The following SNX31 variants were observed in gnomAD, a reference collection of about 807,000 sequenced individuals.
SNX31 encodes sorting nexin 31.
In SNX31, 58 loss-of-function variants were observed where a neutral mutation model predicts 65.4. The ratio of observed to expected loss-of-function variants is 0.89; its 90% CI spans 0.72 to 1.10. The LOEUF is 1.10. Among genes scored for constraint, SNX31 ranks in the 50% least tolerant of loss-of-function variants. SNX31 has a pLI of 0.00. For synonymous variants in SNX31, 181 were observed against 190.1 expected (o/e 0.95, Z 0.39); for missense variants, 523 against 529.7 (o/e 0.99, Z 0.12).
At position 100,610,355 on chromosome 8, in the gene SNX31, A is replaced by T. The variant is rs1308069634; in HGVS notation, c.611+1645T>A. On this transcript the variant is annotated intron_variant, in intron 7 of 13. Coordinates refer to ENST00000311812, the MANE Select transcript of SNX31 (RefSeq NM_152628.4). The surrounding 1 kb of genome is among the most constrained non-coding windows in gnomAD (Gnocchi z 4.0). ...CACATGAGTGAAAATCTAAGCCCCAAAGATTTTTTTTTTTTTTTTGCTTCC... is the reference window on the plus strand; with the variant it reads ...CACATGAGTGAAAATCTAAGCCCCATAGATTTTTTTTTTTTTTTTGCTTCC... Among the ~76,000 whole-genome samples, 1 of 60,350 alleles carries T rather than the reference A, an allele frequency of 1.7e-5. No individual in the cohort carries two copies. Among genetic ancestry groups the T allele is most frequent in the South Asian group, 9.3e-4 (1 of 1,074 alleles). 39.6% of individuals were successfully genotyped at this position (60,350 alleles called of 152,430 possible).
chr8:100,606,336 G>T (rs1451579854), intron 8 of SNX31, among the ~76,000 whole-genome samples: 1 of 152,118 alleles, frequency 6.6e-6, no homozygotes, highest in Non-Finnish European at 1.5e-5. Flanking sequence ...TTTCCAGGCT[G>T]AACATAATTA....
intron 10 of SNX31, among the ~76,000 whole-genome samples, chr8:100,593,799 A>C (rs1313217631): frequency 6.6e-6 from 1 of 152,166 alleles, no homozygotes; most frequent in Non-Finnish European, 1.5e-5. Flanking sequence ...AAATTAACTG[A>C]AAATGGATCA....
At chr8:100,583,608 A>G (rs1813754338) in intron 12 of SNX31, among the ~76,000 whole-genome samples, 1 of 152,194 alleles carries the variant, frequency 6.6e-6, no homozygotes, top group Non-Finnish European at 1.5e-5. Flanking sequence ...GTTTAATTTT[A>G]TATTGAGGAA....
intron 2 of SNX31, among the ~76,000 whole-genome samples, chr8:100,641,175 C>T (rs978115155): frequency 2.6e-5 from 4 of 152,066 alleles, no homozygotes; most frequent in African/African-American, 9.7e-5. Context: ...AGGCAACTGT[C>T]TGGTGAGGGG....
Position 100,648,856 on chromosome 8 carries a change from C to T in SNX31, c.141+418G>A, listed in dbSNP as rs1218608714. Among the ~76,000 whole-genome samples the T allele has an allele frequency of 1.3e-5, 2 of 152,204 alleles. No individual in the cohort carries two copies. The highest frequency in any genetic ancestry group is 4.8e-5 in the African/African-American group (2 of 41,454). ...TCTCGAGACAAAGGAGATTAAATACCCATGTACAAGACTCCAAAGACTCTA... is the reference window on the plus strand; with the variant it reads ...TCTCGAGACAAAGGAGATTAAATACTCATGTACAAGACTCCAAAGACTCTA... On this transcript the variant is annotated intron_variant, in intron 2 of 13. Coordinates refer to ENST00000311812, the MANE Select transcript of SNX31 (RefSeq NM_152628.4). The surrounding 1 kb of genome is among the most constrained non-coding windows in gnomAD (Gnocchi z 4.3).
chr8:100,591,488 CAAA>C (rs71274986), intron 10 of SNX31, among the ~76,000 whole-genome samples: 76 of 77,506 alleles, frequency 9.8e-4, no homozygotes, highest in Admixed American at 2.0e-3. Context: ...GACTCCGTCT[CAAA>C]AAAAAAAAAA....
At chr8:100,663,316 CTTTGTA>C (rs1809818456) in exon 1 of SNX31, 1 of 152,160 alleles carries the variant, frequency 6.6e-6, no homozygotes, top group African/African-American at 2.4e-5. Context: ...TGAGCAGTAT[CTTTGTA>C]TTTGAGAGTT....
chr8:100,633,265 G>A (rs1563572008), intron 3 of SNX31, among the ~76,000 whole-genome samples: 2 of 152,182 alleles, frequency 1.3e-5, no homozygotes, highest in Non-Finnish European at 1.5e-5. Flanking sequence ...TCTCTAGATA[G>A]ATTATTGTAT....
chr8:100,622,913 A>G lies in SNX31; in HGVS notation c.322-5183T>C, dbSNP rs1363346706. On this transcript the variant is annotated intron_variant, in intron 4 of 13. Transcript: ENST00000311812. This position sits in a 1 kb window ranked among gnomAD's most constrained non-coding sequence, Gnocchi z 5.0. ...CACATCAAGGGAGGTAAGAGGTTAA[A>G]GCGCCACCCAACCTGCTGCCATTGG... Among the ~76,000 whole-genome samples, 1 of 152,184 alleles carries G rather than the reference A, an allele frequency of 6.6e-6. No homozygotes were observed. The highest frequency in any genetic ancestry group is 2.1e-4 in the South Asian group (1 of 4,826).
chr8:100,635,615 C>T (rs1587040729), intron 3 of SNX31, among the ~76,000 whole-genome samples: 2 of 151,510 alleles, frequency 1.3e-5, no homozygotes, highest in East Asian at 3.9e-4. Context: ...TATATAATCC[C>T]TTATATATGA....
intron 8 of SNX31, 84 bp downstream of exon 8, chr8:100,608,410 T>C: frequency 7.9e-7 from 1 of 1,265,998 alleles, no homozygotes; most frequent in Non-Finnish European, 1.1e-6. Context: ...GTAGAATTAC[T>C]AACTGCCACA....
At chr8:100,635,554 T>TA (rs58496992) in intron 3 of SNX31, among the ~76,000 whole-genome samples, 14,358 of 134,142 alleles carry the variant, frequency 0.11, 799 homozygotes, top group South Asian at 0.2. Context: ...CTTCATCTCT[T>TA]AAAAAAAAAA....
chr8:100,661,613 C>T (rs796270342), intron 1 of SNX31, among the ~76,000 whole-genome samples: 4 of 152,224 alleles, frequency 2.6e-5, no homozygotes, highest in African/African-American at 7.2e-5. Flanking sequence ...ACTGCAGCCT[C>T]GACCGCCTGG....
rs1586832409 is a variant in SNX31 at position 100,578,774 on chromosome 8, T to G, written c.1171-1699A>C. ...TCTCGCTGTGTTGCCCAGGCTAGAG[T>G]GCAGTGGCACAATCTTGGCTCACTG... On this transcript the variant is annotated intron_variant, in intron 12 of 13. Transcript: ENST00000311812. The surrounding 1 kb of genome is among the most constrained non-coding windows in gnomAD (Gnocchi z 4.7). Among the ~76,000 whole-genome samples, 1 of 151,968 alleles carries G rather than the reference T, an allele frequency of 6.6e-6. No homozygotes were observed. The highest frequency in any genetic ancestry group is 1.5e-5 in the Non-Finnish European group (1 of 68,012).
In SNX31 at chr8:100,607,406, C is replaced by T. The variant is rs189682945; in HGVS notation, c.681+1088G>A. 3.9e-5 allele frequency among the ~76,000 whole-genome samples: 6 copies of T among 152,258 alleles called. No homozygotes were observed. In the East Asian group the frequency reaches 5.8e-4, roughly 15 times the overall value. On this transcript the variant is annotated intron_variant, in intron 8 of 13. Transcript: ENST00000311812. ...ATGACTTGGCCGAAGCTTCATCACACGAGGCAGGAGAAGGGAACTGAGGCC... is the reference window on the plus strand; with the variant it reads ...ATGACTTGGCCGAAGCTTCATCACATGAGGCAGGAGAAGGGAACTGAGGCC...
At chr8:100,582,626 T>C (rs1813649410) in intron 12 of SNX31, 1 of 152,170 alleles carries the variant, frequency 6.6e-6, no homozygotes, top group African/African-American at 2.4e-5. Context: ...CAAGTAAAGA[T>C]CAATGTTAAC....
At chr8:100,603,109 A>C (rs1393172184) in intron 8 of SNX31, among the ~76,000 whole-genome samples, 2 of 152,152 alleles carry the variant, frequency 1.3e-5, no homozygotes, top group African/African-American at 4.8e-5. Flanking sequence ...CTGAATTCTT[A>C]CCAGGTAGGC....
Position 100,601,769 on chromosome 8 carries a change from G to A in SNX31, c.682-1328C>T, listed in dbSNP as rs115262057. ...AATCCACTGCAGGCTTCAGCAGAAC[G>A]ACACTGGGCTCAAAGGCAGAAATCG... On this transcript the variant is annotated intron_variant, in intron 8 of 13. Transcript: ENST00000311812. Among the ~76,000 whole-genome samples the A allele has an allele frequency of 7.9e-3, 1,210 of 152,298 alleles. 12 individuals carry two copies. Among genetic ancestry groups the A allele is most frequent in the African/African-American group, 0.027 (1,136 of 41,560 alleles).
At chr8:100,659,268 C>G (rs1204741050) in intron 1 of SNX31, among the ~76,000 whole-genome samples, 1 of 149,210 alleles carries the variant, frequency 6.7e-6, no homozygotes, top group East Asian at 2.0e-4. Flanking sequence ...CTTGCTTGAA[C>G]CCAGGAGGCG....
Sources: allele counts gnomAD v4.1 joint callset (sites outside exome capture counted in the v4.1 genomes callset), GRCh38; gene constraint gnomAD v4.1.1; non-coding constraint Gnocchi (gnomAD v3.1); transcripts MANE v1.5; gene names NCBI Gene and HGNC (gene_info 2026-07-23, HGNC 2026-07-21).